SLC66A1: variants seen among roughly 807,000 people sequenced by gnomAD.
SLC66A1 encodes the protein lysosomal amino acid transporter 1 homolog.
A neutral mutation model predicts 33.0 loss-of-function variants in SLC66A1; 23 were observed. The ratio of observed to expected loss-of-function variants is 0.70; its 90% CI spans 0.50 to 0.99. The LOEUF (loss-of-function observed/expected upper bound fraction) is 0.99, where lower values mean the gene tolerates loss of function less well. Among genes scored for constraint, SLC66A1 ranks in the 50% least tolerant of loss-of-function variants. The pLI is 0.00. For synonymous variants in SLC66A1, 164 were observed against 175.5 expected, an observed-to-expected ratio of 0.93 and a Z score of 0.52; for missense variants, 335 against 383.6, an observed-to-expected ratio of 0.87 and a Z score of 1.06.
At chr1:19,314,393 C>T (rs923359056) in intron 1 of SLC66A1, among the ~76,000 whole-genome samples, 7 of 152,028 alleles carry the variant, frequency 4.6e-5, no homozygotes, top group Non-Finnish European at 7.4e-5. Context: ...AGAGAGAGGC[C>T]GCAGGGGCCA....
chr1:19,324,115 C>T (rs1347710918), intron 2 of SLC66A1, among the ~76,000 whole-genome samples: 1 of 152,268 alleles, frequency 6.6e-6, no homozygotes, highest in Non-Finnish European at 1.5e-5. Flanking sequence ...CCGCCCTTCT[C>T]TGTTGCCCTC....
At chr1:19,326,797 C>T (rs2093870141) in intron 6 of SLC66A1, among the ~76,000 whole-genome samples, 174 bp downstream of exon 6, 1 of 152,192 alleles carries the variant, frequency 6.6e-6, no homozygotes, top group African/African-American at 2.4e-5. Context: ...ATTTCTGCTT[C>T]TGGAAAATGG....
chr1:19,326,265 G>T lies in SLC66A1; in HGVS notation c.403G>T (p.Val135Leu), dbSNP rs367550241. 5.0e-6 allele frequency: 8 copies of T among 1,605,714 alleles called. No individual in the cohort carries two copies. The East Asian group carries it at 1.6e-4, about 31-fold the overall frequency. ...PSLLSAPINS[V>L]LLFLMGMACA... ...TGCAGTGTCTGCCCCCATCAACTCC[G>T]TGCTGTTGTTCCTCATGGGGATGGC... The change falls in exon 5 of 8, where the codon GTG becomes TTG. Residue 135 changes from valine (V) to leucine (L), a missense_variant. By Grantham distance (32) the Val-to-Leu change is conservative. Coordinates refer to ENST00000375153, the MANE Select transcript of SLC66A1 (RefSeq NM_001040125.2).
At position 19,327,843 on chromosome 1, in the gene SLC66A1, C is replaced by A. The variant is rs566160045; in HGVS notation, c.804+431C>A. The A allele has an allele frequency of 3.2e-5, 11 of 342,514 alleles. 1 individual carries two copies. Among genetic ancestry groups the A allele is most frequent in the Admixed American group, 3.8e-5 (1 of 26,544 alleles). The allele number at this position is 342,514 out of a possible 1,614,324, so 21.2% of individuals were successfully genotyped here. On this transcript the variant is annotated intron_variant, in intron 7 of 7. Coordinates refer to ENST00000375153, the MANE Select transcript of SLC66A1 (RefSeq NM_001040125.2). ...ACTTGACAGAGTAGGAGAAGTCAGGCGAAGGCAGGAGAGGAATGTTCTAGG... is the reference window on the plus strand; with the variant it reads ...ACTTGACAGAGTAGGAGAAGTCAGGAGAAGGCAGGAGAGGAATGTTCTAGG...
At chr1:19,327,446 G>C in intron 7 of SLC66A1, 34 bp downstream of exon 7, 2 of 1,568,680 alleles carry the variant, frequency 1.3e-6, no homozygotes, top group Non-Finnish European at 1.7e-6. Flanking sequence ...AGGTGGCGGG[G>C]TGTGGGCAAG....
intron 1 of SLC66A1, among the ~76,000 whole-genome samples, chr1:19,314,653 C>T (rs2093795651): frequency 6.6e-6 from 1 of 152,210 alleles, no homozygotes; most frequent in Non-Finnish European, 1.5e-5. Flanking sequence ...ATTTTATGGA[C>T]AGGCTCAGGC....
chr1:19,313,148 T>C, intron 1 of SLC66A1: 1 of 970,568 alleles, frequency 1.0e-6, no homozygotes, highest in Non-Finnish European at 1.2e-6. Flanking sequence ...ATTGCATTAT[T>C]CCCCTACTTT....
chr1:19,325,618 C>T (rs770628335), intron 4 of SLC66A1, 36 bp downstream of exon 4: 1 of 1,388,722 alleles, frequency 7.2e-7, no homozygotes, highest in Admixed American at 1.8e-5. Context: ...AGATGCTCTA[C>T]CAGCAGCAGG....
Position 19,324,731 on chromosome 1 carries a change from G to C in SLC66A1, c.263G>C (p.Gly88Ala), listed in dbSNP as rs376492960. 6.2e-7 allele frequency: 1 copy of C among 1,614,152 alleles called. No individual in the cohort carries two copies. The highest frequency in any genetic ancestry group is 1.1e-5 in the South Asian group (1 of 91,086). Residue 88 changes from glycine (G) to alanine (A), a missense_variant, in exon 3 of 8, where the codon GGC becomes GCC. Coordinates refer to ENST00000375153, the MANE Select transcript of SLC66A1 (RefSeq NM_001040125.2). Reference protein sequence around the residue: ...WIGGDSCNLIGSFLADQLPLQ... With the variant: ...WIGGDSCNLIASFLADQLPLQ... ...GGCGGAGACTCCTGCAACCTCATCG[G>C]CTCCTTCCTTGCTGACCAGCTGCCC...
chr1:19,317,074 A>C (rs1286321645), intron 1 of SLC66A1, among the ~76,000 whole-genome samples: 5 of 151,954 alleles, frequency 3.3e-5, no homozygotes, highest in Non-Finnish European at 5.9e-5. Context: ...ACCTGCTTTA[A>C]ATTAGATGAA....
chr1:19,315,714 GTC>G (rs566291332), intron 1 of SLC66A1, among the ~76,000 whole-genome samples: 2 of 152,004 alleles, frequency 1.3e-5, no homozygotes, highest in Non-Finnish European at 2.9e-5. Context: ...AGGCTTCTCT[GTC>G]TCTCTCTCTC....
At chr1:19,326,712 T>TA in intron 6 of SLC66A1, 89 bp downstream of exon 6, 3 of 1,350,624 alleles carry the variant, frequency 2.2e-6, no homozygotes, top group Non-Finnish European at 3.1e-6. Flanking sequence ...TAGCACAGCA[T>TA]AGGAGCCTTG....
intron 1 of SLC66A1, among the ~76,000 whole-genome samples, chr1:19,314,676 T>A (rs1335469167): frequency 1.3e-5 from 2 of 152,222 alleles, no homozygotes; most frequent in South Asian, 4.1e-4. Flanking sequence ...GTTAATTCAC[T>A]TCCAGGGCTG....
At chr1:19,330,786 C>T (rs745936763), downstream of SLC66A1, among the ~76,000 whole-genome samples, 4 of 152,094 alleles carry the variant, frequency 2.6e-5, no homozygotes, top group South Asian at 2.1e-4. Flanking sequence ...GGGGTTTGGT[C>T]GGGTGAAGAG....
chr1:19,313,672 G>A (rs1569719690), intron 1 of SLC66A1, among the ~76,000 whole-genome samples: 1 of 152,256 alleles, frequency 6.6e-6, no homozygotes, highest in East Asian at 1.9e-4. Context: ...ACGTGCAGAA[G>A]CCTGGAGACC....
intron 4 of SLC66A1, 86 bp from the exon 5 acceptor site, chr1:19,326,159 G>A (rs1162297185): frequency 1.5e-6 from 2 of 1,343,936 alleles, no homozygotes. Context: ...CAGCCCCTGA[G>A]GGGCAAGGCC....
chr1:19,325,457 G>T, intron 3 of SLC66A1, 38 bp from the exon 4 acceptor site: 1 of 1,475,950 alleles, frequency 6.8e-7, no homozygotes, highest in South Asian at 1.1e-5. Flanking sequence ...CAGATCCTGG[G>T]ACTGCGCCAA....
At chr1:19,321,348 A>T (rs1166169135) in intron 2 of SLC66A1, among the ~76,000 whole-genome samples, 4 of 138,800 alleles carry the variant, frequency 2.9e-5, no homozygotes, top group Non-Finnish European at 4.6e-5. Flanking sequence ...GCTAATTGAA[A>T]TTTTTTTTTT....
intron 7 of SLC66A1, 29 bp downstream of exon 7, chr1:19,327,441 G>T: frequency 6.4e-7 from 1 of 1,569,742 alleles, no homozygotes; most frequent in Non-Finnish European, 8.7e-7. Context: ...GGGGCAGGTG[G>T]CGGGGTGTGG....
Sources: allele counts gnomAD v4.1 joint callset (sites outside exome capture counted in the v4.1 genomes callset), GRCh38; gene constraint gnomAD v4.1.1; transcripts MANE v1.5; gene names NCBI Gene and HGNC (gene_info 2026-07-23, HGNC 2026-07-21).